The following CD55 variants were observed in gnomAD, a reference collection of about 807,000 sequenced individuals.
CD55 encodes CD55 molecule (Cromer blood group).
CD55 carries 41 observed loss-of-function variants against 45.8 expected under a neutral mutation model. That is an observed-to-expected ratio of 0.90 (90% confidence interval 0.70 to 1.16). CD55 has a LOEUF of 1.16. Among genes scored for constraint, CD55 ranks in the 50% most tolerant of loss-of-function variants. The pLI is 0.00. For synonymous variants in CD55, 181 were observed against 181.1 expected, an observed-to-expected ratio of 1.00 and a Z score of 0.01; for missense variants, 416 against 469.8, an observed-to-expected ratio of 0.89 and a Z score of 1.06.
At chr1:207,322,010 G>T (rs1177107684) in intron 1 of CD55, 145 bp downstream of exon 1, 15 of 625,962 alleles carry the variant, frequency 2.4e-5, no homozygotes, top group African/African-American at 5.5e-5. Flanking sequence ...TGCCTTTAAG[G>T]CTCTCGCCGC....
At position 207,322,517 on chromosome 1, in the gene CD55, T is replaced by A. The variant is rs770872713; in HGVS notation, c.236T>A (p.Val79Glu). 2.5e-6 allele frequency: 4 copies of A among 1,614,108 alleles called. No homozygotes were observed. Among genetic ancestry groups the A allele is most frequent in the Non-Finnish European group, 3.4e-6 (4 of 1,180,032 alleles). ...FVKIPGEKDSVICLKGSQWSD... is the reference protein window; with the variant it reads ...FVKIPGEKDSEICLKGSQWSD... ...AAAATTCCTGGCGAGAAGGACTCAG[T>A]GATCTGCCTTAAGGGCAGTCAATGG... Residue 79 changes from valine to glutamate, a missense_variant, in exon 2 of 10, where the codon GTG becomes GAG. Physicochemically the swap from Val to Glu is moderately radical, Grantham distance 121. Around this residue, in one of 3 missense-constraint regions of CD55, gnomAD observed 123 missense variants for 105.1 expected, o/e 1.17. Transcript: ENST00000367064.
chr1:207,336,701 C>G lies in CD55; in HGVS notation c.862C>G (p.Leu288Val). 6.2e-7 allele frequency: 1 copy of G among 1,613,264 alleles called. No individual in the cohort carries two copies. Among genetic ancestry groups the G allele is most frequent in the Non-Finnish European group, 8.5e-7 (1 of 1,179,638 alleles). Residue 288 changes from leucine to valine, a missense_variant, in exon 7 of 10, where the codon CTA becomes GTA. Coordinates refer to ENST00000367064, the MANE Select transcript of CD55 (RefSeq NM_000574.5). ...AACCTTTTCTTTCACAGGAAAATCT[C>G]TAACTTCCAAGGTCCCACCAACAGT... Reference protein sequence around the residue: ...GPPPECRGKSLTSKVPPTVQK... With the variant: ...GPPPECRGKSVTSKVPPTVQK...
chr1:207,331,009 G>C lies in CD55; in HGVS notation c.665-99G>C, dbSNP rs185847201. On this transcript the variant is annotated intron_variant, in intron 5 of 9. Coordinates refer to ENST00000367064, the MANE Select transcript of CD55 (RefSeq NM_000574.5). ...GCTGAATTTAGAAAAATGATATTTT[G>C]ATTTCTTTAAAATATAATCTTTAAC... 8.4e-5 allele frequency: 76 copies of C among 909,510 alleles called. 1 individual carries two copies. In the African/African-American group the frequency reaches 1.2e-3, roughly 15 times the overall value. The allele number at this position is 909,510 out of a possible 1,614,324, so 56.3% of individuals were successfully genotyped here. A position where few individuals can be genotyped will look rare whatever the true frequency, so the allele number is the denominator to read the frequency against.
intron 6 of CD55, among the ~76,000 whole-genome samples, chr1:207,333,169 CA>C (rs1655023529): frequency 6.6e-6 from 1 of 152,192 alleles, no homozygotes; most frequent in African/African-American, 2.4e-5. Context: ...AGCATATACC[CA>C]CCAGAGGAAC....
chr1:207,338,599 A>G (rs1275037972), intron 8 of CD55, among the ~76,000 whole-genome samples: 1 of 152,208 alleles, frequency 6.6e-6, no homozygotes, highest in African/African-American at 2.4e-5. Context: ...AGGTACAATT[A>G]ATTTACTCTT....
At chr1:207,324,533 G>T (rs1465085170) in intron 2 of CD55, 26 bp from the exon 3 acceptor site, 6 of 1,497,198 alleles carry the variant, frequency 4.0e-6, no homozygotes, top group Admixed American at 4.6e-5. Flanking sequence ...TACATTTTTT[G>T]TTGCTGCTTT....
intron 9 of CD55, among the ~76,000 whole-genome samples, chr1:207,339,692 C>A (rs28371629): frequency 0.029 from 4,487 of 152,142 alleles, 227 homozygotes; most frequent in African/African-American, 0.1. Flanking sequence ...TCCCAGACAT[C>A]GTATCATTTC....
intron 2 of CD55, among the ~76,000 whole-genome samples, chr1:207,323,146 T>C (rs1440091037): frequency 6.6e-6 from 1 of 151,434 alleles, no homozygotes. Context: ...TATATGTATA[T>C]ATATAAATTG....
At chr1:207,350,087 A>G in intron 9 of CD55, 2 of 454,530 alleles carry the variant, frequency 4.4e-6, no homozygotes, top group South Asian at 1.6e-5. Context: ...AATGTTGTCA[A>G]AAGCCTTTTC....
In CD55 at chr1:207,359,516, C is replaced by CTTTTTTTT. The variant is rs56236833; in HGVS notation, c.1082-17_1082-10dup. 1.2e-5 allele frequency: 15 copies of CTTTTTTTT among 1,284,814 alleles called. No individual in the cohort carries two copies. The Admixed American group carries it at 1.2e-4, about 10-fold the overall frequency. 79.6% of individuals were successfully genotyped at this position (1,284,814 alleles called of 1,614,324 possible). On this transcript the variant is annotated intron_variant, in intron 9 of 9. Transcript: ENST00000367064. ...GTAAATAAAATCATTTTGATTTTAA[C>CTTTTTTTT]TTTTTTTTTTTTTTTTTTTTAATTT...
intron 9 of CD55, chr1:207,347,551 C>T (rs1219500076): frequency 8.6e-6 from 2 of 232,550 alleles, no homozygotes; most frequent in East Asian, 1.1e-4. Flanking sequence ...TGAGCCACCG[C>T]ACCTGGCCAG....
At chr1:207,347,339 A>G in intron 9 of CD55, 2 of 392,378 alleles carry the variant, frequency 5.1e-6, no homozygotes, top group Non-Finnish European at 1.0e-5. Flanking sequence ...GGCTCACTGC[A>G]AGCTCTGCCT....
Position 207,360,411 on chromosome 1 carries a change from G to A in CD55, c.*801G>A, listed in dbSNP as rs1053105358. 2 of 152,004 alleles carry A rather than the reference G, an allele frequency of 1.3e-5. No homozygotes were observed. The highest frequency in any genetic ancestry group is 6.6e-5 in the Admixed American group (1 of 15,246). The allele number at this position is 152,004 out of a possible 1,614,324, so 9.4% of individuals were successfully genotyped here. A position where few individuals can be genotyped will look rare whatever the true frequency, so the allele number is the denominator to read the frequency against. On this transcript the variant is annotated 3_prime_UTR_variant, in exon 10 of 10. Transcript: ENST00000367064. Reference sequence around the variant, plus strand: ...ATTTATTTATGACAGTGAACATTCTGATTTTACATGTAAAACAAGAAAAGT... The same window carrying A: ...ATTTATTTATGACAGTGAACATTCTAATTTTACATGTAAAACAAGAAAAGT...
At chr1:207,355,015 A>T (rs1656022049) in intron 9 of CD55, among the ~76,000 whole-genome samples, 1 of 152,180 alleles carries the variant, frequency 6.6e-6, no homozygotes, top group South Asian at 2.1e-4. Flanking sequence ...AAAGGGGGAA[A>T]CCCAAAATTT....
chr1:207,322,349 T>G, intron 1 of CD55, 33 bp from the exon 2 acceptor site: 3 of 1,582,246 alleles, frequency 1.9e-6, no homozygotes, highest in Non-Finnish European at 2.6e-6. Flanking sequence ...CACTTGATAG[T>G]CATTTCCTTC....
chr1:207,337,301 CA>C lies in CD55; in HGVS notation c.980-25del, dbSNP rs745306027. The C allele has an allele frequency of 6.3e-6, 9 of 1,427,366 alleles. No homozygotes were observed. The African/African-American group carries it at 1.3e-4, about 20-fold the overall frequency. The allele number at this position is 1,427,366 out of a possible 1,614,324, so 88.4% of individuals were successfully genotyped here. On this transcript the variant is annotated intron_variant, in intron 7 of 9. Coordinates refer to ENST00000367064, the MANE Select transcript of CD55 (RefSeq NM_000574.5). ...AGTGACTAATGGTCTCAAGAGTACACAAAGATTCCCTTCTGCTCATATTACA... is the reference window on the plus strand; with the variant it reads ...AGTGACTAATGGTCTCAAGAGTACACAAGATTCCCTTCTGCTCATATTACA...
At chr1:207,350,653 A>G (rs1371734248) in intron 9 of CD55, among the ~76,000 whole-genome samples, 2 of 152,112 alleles carry the variant, frequency 1.3e-5, no homozygotes, top group Non-Finnish European at 2.9e-5. Context: ...GAGGTGTTCA[A>G]AATAGTCTCT....
chr1:207,336,787 C>T lies in CD55; in HGVS notation c.948C>T (p.Thr316=), dbSNP rs1384569815. The T allele has an allele frequency of 8.1e-6, 13 of 1,613,786 alleles. No individual in the cohort carries two copies. Among genetic ancestry groups the T allele is most frequent in the Non-Finnish European group, 9.3e-6 (11 of 1,179,798 alleles). ...AAGTCTCACCAACTTCTCAGAAAAC[C>T]ACCACAAAAACCACCACACCAAATG... ...TTEVSPTSQK[T]TTKTTTPNAQ... The change falls in exon 7 of 10, where the codon ACC becomes ACT. Residue 316 remains threonine (T), a synonymous_variant. Transcript: ENST00000367064.
chr1:207,352,681 T>G (rs1036602520), intron 9 of CD55, among the ~76,000 whole-genome samples: 3 of 152,166 alleles, frequency 2.0e-5, no homozygotes, highest in Admixed American at 2.0e-4. Context: ...TTAGTGGGTA[T>G]GAAAACTCCA....
Sources: gnomAD v4.1 joint callset for allele counts (sites outside exome capture counted in the v4.1 genomes callset) on GRCh38, gnomAD v4.1.1 for gene constraint, gnomAD v4.1.1 regional missense constraint, MANE v1.5 for transcripts, NCBI Gene and HGNC (gene_info 2026-07-23, HGNC 2026-07-21) for gene names.